The following NXPE4 variants were observed in gnomAD, a reference collection of about 807,000 sequenced individuals.
NXPE4 encodes neurexophilin and PC-esterase domain family member 4.
NXPE4 carries 42 observed loss-of-function variants against 33.3 expected under a neutral mutation model. The ratio of observed to expected loss-of-function variants is 1.26; its 90% CI spans 0.98 to 1.63. The LOEUF (loss-of-function observed/expected upper bound fraction) is 1.63, where lower values mean the gene tolerates loss of function less well. NXPE4 is among the 40% of genes most tolerant of loss of function. NXPE4 has a pLI of 0.00. For synonymous variants in NXPE4, 253 were observed against 234.9 expected, an observed-to-expected ratio of 1.08 and a Z score of -0.71; for missense variants, 709 against 647.6, an observed-to-expected ratio of 1.09 and a Z score of -1.03.
the NXPE4 span, among the ~76,000 whole-genome samples, chr11:114,627,169 C>T: frequency 1.9e-3 from 288 of 152,008 alleles, no homozygotes; most frequent in African/African-American, 6.2e-3. Flanking sequence ...ATACAGAGAA[C>T]GCCACAAAGA....
chr11:114,649,197 CTG>C, the NXPE4 span, among the ~76,000 whole-genome samples: 2 of 151,790 alleles, frequency 1.3e-5, no homozygotes, highest in East Asian at 3.9e-4. Flanking sequence ...ACCATTAATC[CTG>C]CCTTGATTGG....
Position 114,582,510 on chromosome 11 carries a change from A to T in NXPE4, c.608T>A (p.Ile203Asn), listed in dbSNP as rs748551809. Residue 203 changes from isoleucine (I) to asparagine (N), a missense_variant, in exon 3 of 6, where the codon ATC becomes AAC. Physicochemically the swap from Ile to Asn is moderately radical, Grantham distance 149. Coordinates refer to ENST00000375478, the MANE Select transcript of NXPE4 (RefSeq NM_001077639.2). ...SARNQGYDRV[I>N]FTGQFVNGTS... Reference sequence around the variant, plus strand: ...GCCATTGACAAACTGGCCAGTGAAGATCACCCTGTCATAGCCTTGGTTCCT... The same window carrying T: ...GCCATTGACAAACTGGCCAGTGAAGTTCACCCTGTCATAGCCTTGGTTCCT... 1 of 1,614,112 alleles carries T rather than the reference A, an allele frequency of 6.2e-7. No homozygotes were observed. Among genetic ancestry groups the T allele is most frequent in the Non-Finnish European group, 8.5e-7 (1 of 1,180,000 alleles).
At chr11:114,639,574 G>A in the NXPE4 span, among the ~76,000 whole-genome samples, 33 of 150,482 alleles carry the variant, frequency 2.2e-4, no homozygotes, top group African/African-American at 6.8e-4. Context: ...CAGGCCGGGA[G>A]CTGTAGACTG....
At chr11:114,631,828 C>A in the NXPE4 span, among the ~76,000 whole-genome samples, 4 of 150,976 alleles carry the variant, frequency 2.6e-5, no homozygotes, top group South Asian at 8.3e-4. Context: ...TCATGGGTAA[C>A]CGATGTTACC....
the NXPE4 span, among the ~76,000 whole-genome samples, chr11:114,616,552 A>C: frequency 6.6e-6 from 1 of 151,648 alleles, no homozygotes; most frequent in Non-Finnish European, 1.5e-5. Flanking sequence ...CCAGTGGATA[A>C]AAATTATTGC....
chr11:114,626,607 C>G, the NXPE4 span, among the ~76,000 whole-genome samples: 6 of 152,160 alleles, frequency 3.9e-5, no homozygotes, highest in African/African-American at 1.2e-4. Flanking sequence ...CTCTAAAAAG[C>G]AGAGCGCCTC....
At chr11:114,676,486 GGCCAAGAGGTATATGAAAAAAAT>G in the NXPE4 span, among the ~76,000 whole-genome samples, 1 of 151,908 alleles carries the variant, frequency 6.6e-6, no homozygotes. Context: ...ACATTCTAAT[GGCCAAGAGGTATATGAAAAAAAT>G]GTCAAGCCTC....
the NXPE4 span, among the ~76,000 whole-genome samples, chr11:114,629,163 C>T: frequency 6.6e-6 from 1 of 152,082 alleles, no homozygotes; most frequent in Non-Finnish European, 1.5e-5. Context: ...CCCTCCCTAA[C>T]TCATTTTATG....
At chr11:114,576,309 A>C (rs1279824229) in intron 5 of NXPE4, among the ~76,000 whole-genome samples, 6 of 151,964 alleles carry the variant, frequency 3.9e-5, no homozygotes, top group African/African-American at 1.5e-4. Flanking sequence ...TTTATGACCA[A>C]GGACCCAAAA....
upstream of NXPE4, among the ~76,000 whole-genome samples, chr11:114,600,099 T>G (rs1178891489): frequency 5.9e-5 from 9 of 152,184 alleles, no homozygotes. Context: ...CAATATGTGC[T>G]AATGAATACT....
chr11:114,674,637 A>G, the NXPE4 span, among the ~76,000 whole-genome samples: 137 of 151,960 alleles, frequency 9.0e-4, no homozygotes, highest in African/African-American at 3.1e-3. Context: ...CAAAGTAACT[A>G]CAAAGCAGTT....
the NXPE4 span, among the ~76,000 whole-genome samples, chr11:114,654,391 G>C: frequency 2.0e-5 from 3 of 151,616 alleles, no homozygotes; most frequent in African/African-American, 7.3e-5. Context: ...CATGCAGAAT[G>C]TGCAGGTTTG....
At chr11:114,677,251 G>A in the NXPE4 span, among the ~76,000 whole-genome samples, 1 of 151,948 alleles carries the variant, frequency 6.6e-6, no homozygotes, top group African/African-American at 2.4e-5. Context: ...CTTGAAAATT[G>A]CAAAGAGACT....
At chr11:114,616,461 A>G in the NXPE4 span, among the ~76,000 whole-genome samples, 46 of 149,480 alleles carry the variant, frequency 3.1e-4, 1 homozygote, top group African/African-American at 1.1e-3. Flanking sequence ...CTGTTACCCA[A>G]TGGATAATAA....
the NXPE4 span, among the ~76,000 whole-genome samples, chr11:114,615,836 GGA>G: frequency 2.6e-5 from 4 of 151,690 alleles, no homozygotes; most frequent in African/African-American, 9.7e-5. Context: ...GTTACCCTGT[GGA>G]TAATAAGAGA....
the NXPE4 span, among the ~76,000 whole-genome samples, chr11:114,604,990 G>T: frequency 4.6e-5 from 7 of 151,914 alleles, no homozygotes; most frequent in Non-Finnish European, 1.0e-4. Context: ...TTACCCAGTG[G>T]ATAATAAGCA....
the NXPE4 span, among the ~76,000 whole-genome samples, chr11:114,608,934 G>A: frequency 6.7e-6 from 1 of 149,000 alleles, no homozygotes. Flanking sequence ...GTACTGCCTC[G>A]TGGGTAACCA....
In NXPE4 at chr11:114,582,979, TC is replaced by T. The variant is rs752554204; in HGVS notation, c.138del (p.Trp46Ter). The T allele has an allele frequency of 1.2e-6, 2 of 1,613,898 alleles. No homozygotes were observed. The highest frequency in any genetic ancestry group is 1.7e-6 in the Non-Finnish European group (2 of 1,179,978). ...GGGAATAAGGACTTTGTGGAGTTGT[TC>T]CAGTAATGGAGGGAGATGGATAAGT... ...ALNLSISLHY[W>X]NNSTKSLFPK... On this transcript the variant is annotated frameshift_variant, in exon 3 of 6. Transcript: ENST00000375478. LOFTEE classifies it high-confidence loss of function.
chr11:114,609,167 G>A, the NXPE4 span, among the ~76,000 whole-genome samples: 2,404 of 152,046 alleles, frequency 0.016, 75 homozygotes, highest in African/African-American at 0.053. Flanking sequence ...GTTACCTGGT[G>A]GATGATAAAT....
Sources: gnomAD v4.1 joint callset for allele counts (sites outside exome capture counted in the v4.1 genomes callset) on GRCh38, gnomAD v4.1.1 for gene constraint, MANE v1.5 for transcripts, NCBI Gene and HGNC (gene_info 2026-07-23, HGNC 2026-07-21) for gene names.